The following TBC1D19 variants were observed in gnomAD, a reference collection of about 807,000 sequenced individuals.
The protein encoded by TBC1D19 is TBC1 domain family member 19, also known as TBC1 domain family, member 19.
In TBC1D19, 60 loss-of-function variants were observed where a neutral mutation model predicts 89.0. That is an observed-to-expected ratio of 0.67 (90% CI 0.55 to 0.84). The LOEUF is 0.84. Ranked by LOEUF, TBC1D19 falls within the 40% of genes least tolerant of loss-of-function variation. The pLI, the probability that TBC1D19 is intolerant of heterozygous loss-of-function variation, is 0.00. For missense variants in TBC1D19, 500 were observed against 610.8 expected, an observed-to-expected ratio of 0.82 and a Z score of 1.91; for synonymous variants, 189 against 199.7, an observed-to-expected ratio of 0.95 and a Z score of 0.45.
At chr4:26,713,175 AATTT>A (rs1447451661) in intron 13 of TBC1D19, among the ~76,000 whole-genome samples, 2 of 152,054 alleles carry the variant, frequency 1.3e-5, no homozygotes, top group Admixed American at 1.3e-4. Context: ...AGACGCCAAA[AATTT>A]ATTTGAGACC....
Position 26,628,339 on chromosome 4 carries a change from C to G in TBC1D19, c.294+7651C>G, listed in dbSNP as rs150777356. On this transcript the variant is annotated intron_variant, in intron 4 of 20. Coordinates refer to ENST00000264866, the MANE Select transcript of TBC1D19 (RefSeq NM_018317.4). Reference sequence around the variant, plus strand: ...GTAGCATGATGCCTCCAGCTTTGTTCTTTTGGCTTAGGATTGACTTGGCGA... The same window carrying G: ...GTAGCATGATGCCTCCAGCTTTGTTGTTTTGGCTTAGGATTGACTTGGCGA... Among the ~76,000 whole-genome samples the G allele has an allele frequency of 8.8e-3, 1,334 of 152,182 alleles. 15 individuals carry two copies. Among genetic ancestry groups the G allele is most frequent in the Non-Finnish European group, 0.014 (927 of 68,022 alleles).
At chr4:26,670,932 A>G (rs185791048) in intron 9 of TBC1D19, among the ~76,000 whole-genome samples, 98 of 151,100 alleles carry the variant, frequency 6.5e-4, no homozygotes, top group Non-Finnish European at 9.2e-4. Context: ...TATTGTATGA[A>G]TATGCCACTA....
the TBC1D19 span, among the ~76,000 whole-genome samples, chr4:26,798,850 A>T: frequency 6.6e-6 from 1 of 152,066 alleles, no homozygotes; most frequent in Non-Finnish European, 1.5e-5. Flanking sequence ...ACAAAGATGG[A>T]AATAATAGAC....
chr4:26,696,038 G>T (rs1203289077), intron 13 of TBC1D19, among the ~76,000 whole-genome samples: 1 of 152,184 alleles, frequency 6.6e-6, no homozygotes, highest in African/African-American at 2.4e-5. Context: ...TGGGCTAAAT[G>T]CTCCAATTAA....
the TBC1D19 span, among the ~76,000 whole-genome samples, chr4:26,807,664 G>A: frequency 6.6e-6 from 1 of 152,140 alleles, no homozygotes; most frequent in African/African-American, 2.4e-5. Context: ...AGTTTGCCCA[G>A]GCACGAAAGC....
chr4:26,824,834 A>G, the TBC1D19 span, among the ~76,000 whole-genome samples: 1 of 152,202 alleles, frequency 6.6e-6, no homozygotes, highest in Non-Finnish European at 1.5e-5. Flanking sequence ...TGTATTCCAC[A>G]TAACATTTAA....
the TBC1D19 span, among the ~76,000 whole-genome samples, chr4:26,836,046 A>C: frequency 6.6e-6 from 1 of 151,598 alleles, no homozygotes; most frequent in Non-Finnish European, 1.5e-5. Context: ...GTTTCTATCA[A>C]GAGCATTTCT....
the TBC1D19 span, among the ~76,000 whole-genome samples, chr4:26,856,012 T>G: frequency 6.6e-6 from 1 of 152,234 alleles, no homozygotes; most frequent in Non-Finnish European, 1.5e-5. Context: ...TTTTAGCAAT[T>G]TTGAAATAGA....
chr4:26,789,221 T>C, the TBC1D19 span, among the ~76,000 whole-genome samples: 1 of 152,076 alleles, frequency 6.6e-6, no homozygotes, highest in Non-Finnish European at 1.5e-5. Flanking sequence ...TTGGCAGAGA[T>C]TGGTAAGTGC....
chr4:26,748,754 G>A (rs1718786930), intron 19 of TBC1D19, among the ~76,000 whole-genome samples: 1 of 152,106 alleles, frequency 6.6e-6, no homozygotes, highest in South Asian at 2.1e-4. Context: ...CCAGCTCCCA[G>A]GAAAGTTCAT....
intron 13 of TBC1D19, among the ~76,000 whole-genome samples, chr4:26,690,093 A>C (rs570210331): frequency 6.6e-6 from 1 of 152,304 alleles, no homozygotes; most frequent in South Asian, 2.1e-4. Context: ...ATATGGAGAA[A>C]ATTTTAGTAG....
At chr4:26,852,702 C>A in the TBC1D19 span, among the ~76,000 whole-genome samples, 1 of 152,182 alleles carries the variant, frequency 6.6e-6, no homozygotes, top group Admixed American at 6.5e-5. Flanking sequence ...TCACTGCAAC[C>A]TCTGCCTCCC....
In TBC1D19 at chr4:26,659,658, AT is replaced by A; in HGVS notation, c.545del (p.Leu182TrpfsTer3). Reference sequence around the variant, plus strand: ...GGTGATTCTCTTAGTTTCAGGACTCATTTGGGTTTAATTCAAGTTCCACTGA... The same window carrying A: ...GGTGATTCTCTTAGTTTCAGGACTCATTGGGTTTAATTCAAGTTCCACTGA... ...ENGDSLSFRT[H>X]LGLIQVPLKV... is the part of the protein sequence containing the mutation. On this transcript the variant is annotated frameshift_variant, in exon 8 of 21. Transcript: ENST00000264866. LOFTEE classifies it high-confidence loss of function. 6.3e-7 allele frequency: 1 copy of A among 1,595,990 alleles called. No individual in the cohort carries two copies. Among genetic ancestry groups the A allele is most frequent in the Non-Finnish European group, 8.6e-7 (1 of 1,167,160 alleles).
the TBC1D19 span, among the ~76,000 whole-genome samples, chr4:26,830,405 C>T: frequency 6.6e-6 from 1 of 152,070 alleles, no homozygotes; most frequent in Non-Finnish European, 1.5e-5. Context: ...TCCTGCAAAA[C>T]CAGTGTCATT....
the TBC1D19 span, among the ~76,000 whole-genome samples, chr4:26,811,796 T>C: frequency 7.4e-3 from 1,131 of 152,322 alleles, 16 homozygotes; most frequent in African/African-American, 0.022. Flanking sequence ...TTGTAAACTG[T>C]CATGCACTGG....
the TBC1D19 span, among the ~76,000 whole-genome samples, chr4:26,834,894 A>G: frequency 1.3e-5 from 2 of 152,184 alleles, no homozygotes; most frequent in Non-Finnish European, 2.9e-5. Flanking sequence ...CCCAGCTATC[A>G]TGCTTTCTAC....
chr4:26,645,355 T>A (rs769118976), intron 7 of TBC1D19, among the ~76,000 whole-genome samples: 3 of 152,038 alleles, frequency 2.0e-5, no homozygotes, highest in Non-Finnish European at 4.4e-5. Context: ...ACACCACACA[T>A]CTACAGCCAT....
intron 7 of TBC1D19, among the ~76,000 whole-genome samples, chr4:26,645,967 C>CA (rs1743901225): frequency 6.6e-6 from 1 of 150,972 alleles, no homozygotes; most frequent in African/African-American, 2.4e-5. Flanking sequence ...ACTAAAAATA[C>CA]AAAAAATTAG....
the TBC1D19 span, among the ~76,000 whole-genome samples, chr4:26,802,924 G>T: frequency 0.75 from 113,351 of 152,086 alleles, 42,302 homozygotes; most frequent in South Asian, 0.86. Context: ...CTGGCTTGCA[G>T]GTAGCTGCCT....
Sources: gnomAD v4.1 joint callset for allele counts (sites outside exome capture counted in the v4.1 genomes callset) on GRCh38, gnomAD v4.1.1 for gene constraint, MANE v1.5 for transcripts, NCBI Gene and HGNC (gene_info 2026-07-23, HGNC 2026-07-21) for gene names.